SYTL2: variants seen among roughly 807,000 people sequenced by gnomAD.
SYTL2 encodes the protein synaptotagmin like 2.
A neutral mutation model predicts 198.7 loss-of-function variants in SYTL2; 165 were observed. The ratio of observed to expected loss-of-function variants is 0.83; its 90% CI spans 0.73 to 0.94. The LOEUF (loss-of-function observed/expected upper bound fraction) is 0.94, where lower values mean the gene tolerates loss of function less well. SYTL2 is among the 40% of genes least tolerant of loss of function. The probability of loss-of-function intolerance (pLI) is 0.00; values close to 1 mark genes in which losing one functional copy is unlikely to be tolerated. For missense variants in SYTL2, 2,835 were observed against 2,582.8 expected, an observed-to-expected ratio of 1.10 and a Z score of -2.12; for synonymous variants, 966 against 917.7, an observed-to-expected ratio of 1.05 and a Z score of -0.95.
At chr11:85,798,957 C>T (rs1484479015) in intron 1 of SYTL2, among the ~76,000 whole-genome samples, 4 of 152,166 alleles carry the variant, frequency 2.6e-5, no homozygotes, top group Admixed American at 6.5e-5. Context: ...TCCTGAAATC[C>T]AAGTTCCCTA....
chr11:85,840,013 T>C, the SYTL2 span, among the ~76,000 whole-genome samples: 5 of 152,248 alleles, frequency 3.3e-5, no homozygotes, highest in African/African-American at 1.2e-4. Context: ...ATTATAGTTT[T>C]GATTTGCATT....
intron 14 of SYTL2, among the ~76,000 whole-genome samples, chr11:85,708,795 C>CAAAGGTTCTTTCCAACCTTGG (rs2085678449): frequency 6.8e-6 from 1 of 147,902 alleles, no homozygotes; most frequent in Non-Finnish European, 1.5e-5. Context: ...AAGATGACCC[C>CAAAGGTTCTTTCCAACCTTGG]AAAGGTTCTT....
chr11:85,766,458 C>T (rs552801775), intron 1 of SYTL2, among the ~76,000 whole-genome samples: 2 of 152,276 alleles, frequency 1.3e-5, no homozygotes, highest in South Asian at 2.1e-4. Context: ...CAACATATCA[C>T]GAAGGACTTT....
At chr11:85,841,006 C>T in the SYTL2 span, among the ~76,000 whole-genome samples, 3 of 152,120 alleles carry the variant, frequency 2.0e-5, no homozygotes, top group East Asian at 5.8e-4. Flanking sequence ...AAAACAACTC[C>T]ATTAGAAAGT....
chr11:85,713,793 G>A (rs2086712564), intron 12 of SYTL2, among the ~76,000 whole-genome samples: 1 of 152,162 alleles, frequency 6.6e-6, no homozygotes, highest in Non-Finnish European at 1.5e-5. Flanking sequence ...GCTTTCTTAA[G>A]ACCGTACAGT....
At chr11:85,733,239 T>G (rs2089985072) in intron 7 of SYTL2, among the ~76,000 whole-genome samples, 1 of 152,228 alleles carries the variant, frequency 6.6e-6, no homozygotes, top group Non-Finnish European at 1.5e-5. Context: ...AAATTGTAAT[T>G]AATAAATTTG....
chr11:85,770,437 C>A (rs1442535207), intron 1 of SYTL2, among the ~76,000 whole-genome samples: 1 of 152,148 alleles, frequency 6.6e-6, no homozygotes, highest in East Asian at 1.9e-4. Context: ...GACTCATATC[C>A]AAAGCACCAC....
intron 7 of SYTL2, among the ~76,000 whole-genome samples, chr11:85,728,933 T>C (rs937155513): frequency 2.0e-5 from 3 of 152,204 alleles, no homozygotes; most frequent in Non-Finnish European, 2.9e-5. Flanking sequence ...TAGTGATTGT[T>C]CTGCATACTG....
chr11:85,833,018 AG>A, the SYTL2 span, among the ~76,000 whole-genome samples: 8 of 17,576 alleles, frequency 4.6e-4, 1 homozygote, highest in African/African-American at 1.8e-3. Flanking sequence ...AAGAAAAGAA[AG>A]AAAGAAAGAA....
chr11:85,744,254 A>G (rs934492440), intron 4 of SYTL2, among the ~76,000 whole-genome samples: 10 of 152,316 alleles, frequency 6.6e-5, no homozygotes, highest in African/African-American at 2.4e-4. Flanking sequence ...TTCACTGGCT[A>G]ATTAACTTCT....
chr11:85,769,535 C>T (rs1308213437), intron 1 of SYTL2, among the ~76,000 whole-genome samples: 1 of 152,204 alleles, frequency 6.6e-6, no homozygotes, highest in Non-Finnish European at 1.5e-5. Flanking sequence ...AGACTTCTGA[C>T]TTCTAGAATT....
intron 1 of SYTL2, among the ~76,000 whole-genome samples, chr11:85,801,838 T>C (rs897880560): frequency 2.6e-5 from 4 of 151,216 alleles, no homozygotes; most frequent in Non-Finnish European, 4.4e-5. Flanking sequence ...TTTTTTTTTT[T>C]CAGATGGAGT....
chr11:85,776,877 C>T (rs899967414), intron 1 of SYTL2, among the ~76,000 whole-genome samples: 1 of 152,106 alleles, frequency 6.6e-6, no homozygotes, highest in African/African-American at 2.4e-5. Context: ...TTTATAGCAA[C>T]ACAAAATGGA....
At chr11:85,852,702 G>C in the SYTL2 span, 1 of 221,516 alleles carries the variant, frequency 4.5e-6, no homozygotes, top group Non-Finnish European at 9.0e-6. Context: ...CTGGAGTGCA[G>C]TGGCATGATC....
At chr11:85,804,367 G>A (rs544606494) in intron 1 of SYTL2, among the ~76,000 whole-genome samples, 58 of 152,310 alleles carry the variant, frequency 3.8e-4, no homozygotes, top group African/African-American at 1.3e-3. Context: ...GGTACAGATA[G>A]CGTACAATTA....
intron 4 of SYTL2, among the ~76,000 whole-genome samples, chr11:85,740,863 A>C (rs1265965729): frequency 6.6e-6 from 1 of 152,228 alleles, no homozygotes; most frequent in Non-Finnish European, 1.5e-5. Context: ...TGAAATCTTA[A>C]ATAAAAAGAA....
Position 85,762,230 on chromosome 11 carries a change from A to G in SYTL2, c.-389-4116T>C, listed in dbSNP as rs140724261. Among the ~76,000 whole-genome samples the G allele has an allele frequency of 6.1e-3, 924 of 152,338 alleles. 12 individuals are homozygous for G. The highest frequency in any genetic ancestry group is 0.022 in the African/African-American group (899 of 41,578). The stretch of plus-strand genomic sequence containing the variant: ...CGGCAGTCAGAACGGGGGCAACCTC[A>G]GTGCTAAACTGTGAGGGAAGAATTT... On this transcript the variant is annotated intron_variant, in intron 1 of 19. Coordinates refer to ENST00000359152, the MANE Select transcript of SYTL2 (RefSeq NM_206927.4).
At chr11:85,765,781 C>T (rs778157146) in intron 1 of SYTL2, among the ~76,000 whole-genome samples, 35 of 152,126 alleles carry the variant, frequency 2.3e-4, no homozygotes, top group African/African-American at 7.2e-4. Context: ...CCCCCTACTC[C>T]TTAATCTCAT....
chr11:85,811,981 C>T (rs999201391), upstream of SYTL2, among the ~76,000 whole-genome samples: 3 of 152,110 alleles, frequency 2.0e-5, no homozygotes, highest in Admixed American at 1.3e-4. Flanking sequence ...GTGGCGAGCG[C>T]CCGTAGTCCC....
Sources: allele counts gnomAD v4.1 joint callset (sites outside exome capture counted in the v4.1 genomes callset), GRCh38; gene constraint gnomAD v4.1.1; transcripts MANE v1.5; gene names NCBI Gene and HGNC (gene_info 2026-07-23, HGNC 2026-07-21).